Variants in PLB1 observed in about 807,000 individuals in gnomAD.
PLB1 encodes phospholipase B1, membrane-associated.
Under a neutral mutation model 227.4 loss-of-function variants are expected in PLB1, and 242 were observed. That is an observed-to-expected ratio of 1.06 (90% CI 0.96 to 1.18). The LOEUF (loss-of-function observed/expected upper bound fraction) is 1.18. PLB1 is among the 50% of genes most tolerant of loss of function. The pLI is 0.00. For missense variants in PLB1, 1,858 were observed against 1,816.3 expected, an observed-to-expected ratio of 1.02 and a Z score of -0.42; for synonymous variants, 757 against 682.2, an observed-to-expected ratio of 1.11 and a Z score of -1.71.
intron 8 of PLB1, among the ~76,000 whole-genome samples, chr2:28,531,073 T>C (rs1222973164): frequency 6.6e-6 from 1 of 152,152 alleles, no homozygotes; most frequent in East Asian, 1.9e-4. Flanking sequence ...TGCTGCCTCT[T>C]AAAAAGCAAA....
chr2:28,634,072 C>G (rs1416989801), intron 56 of PLB1, among the ~76,000 whole-genome samples: 1 of 152,176 alleles, frequency 6.6e-6, no homozygotes, highest in Admixed American at 6.5e-5. Flanking sequence ...CTAGCAACCT[C>G]TTCTTTTAAG....
intron 1 of PLB1, among the ~76,000 whole-genome samples, chr2:28,512,623 A>G (rs1572674127): frequency 1.3e-5 from 2 of 151,214 alleles, no homozygotes; most frequent in South Asian, 4.2e-4. Flanking sequence ...TAAACTGTGA[A>G]ATCTGTCTCT....
intron 47 of PLB1, 39 bp downstream of exon 47, chr2:28,620,371 C>T (rs750109258): frequency 7.2e-6 from 11 of 1,533,398 alleles, no homozygotes; most frequent in Non-Finnish European, 9.8e-6. Flanking sequence ...TGATGATGCT[C>T]TCTCAGAGAG....
At chr2:28,587,575 G>A (rs978098363) in intron 26 of PLB1, among the ~76,000 whole-genome samples, 5 of 151,428 alleles carry the variant, frequency 3.3e-5, no homozygotes, top group South Asian at 2.1e-4. Flanking sequence ...GCACCGTTGC[G>A]CTCCAGCCTG....
At chr2:28,556,496 T>C (rs1675149446) in intron 17 of PLB1, among the ~76,000 whole-genome samples, 1 of 152,236 alleles carries the variant, frequency 6.6e-6, no homozygotes, top group Non-Finnish European at 1.5e-5. Context: ...AGATGCAATT[T>C]GCCAAGTGCT....
At chr2:28,596,368 A>G (rs984513903) in intron 33 of PLB1, among the ~76,000 whole-genome samples, 1 of 152,184 alleles carries the variant, frequency 6.6e-6, no homozygotes, top group Non-Finnish European at 1.5e-5. Flanking sequence ...TTCTTCTGGA[A>G]GTTTTCACTT....
rs1408555563 is a variant in PLB1 at position 28,642,879 on chromosome 2, C to T, written c.4195C>T (p.Leu1399=). The change falls in exon 58 of 58, where the codon CTG becomes TTG. Residue 1399 remains leucine (L), a synonymous_variant. Transcript: ENST00000327757. ...ACAGGAGAGCCCTTACCTCTACACC[C>T]TGCGGAACAGCCGATTGCTCCCAGA... ...PSPESPYLYT[L]RNSRLLPDQA... The T allele has an allele frequency of 1.9e-6, 3 of 1,604,402 alleles. No individual in the cohort carries two copies. Among genetic ancestry groups the T allele is most frequent in the Non-Finnish European group, 2.6e-6 (3 of 1,175,204 alleles).
chr2:28,541,464 G>T (rs1448312441), intron 12 of PLB1, among the ~76,000 whole-genome samples: 1 of 152,194 alleles, frequency 6.6e-6, no homozygotes, highest in Non-Finnish European at 1.5e-5. Flanking sequence ...AGCTTCCAGA[G>T]AATATATTTT....
In PLB1 at chr2:28,589,516, C is replaced by T. The variant is rs766596822; in HGVS notation, c.1882C>T (p.Gln628Ter). The T allele has an allele frequency of 1.2e-6, 2 of 1,614,176 alleles. No individual in the cohort carries two copies. The highest frequency in any genetic ancestry group is 1.7e-6 in the Non-Finnish European group (2 of 1,180,044). The change falls in exon 27 of 58, where the codon CAG becomes TAG. Residue 628 changes from glutamine to a stop codon, truncating the protein, a stop_gained. Coordinates refer to ENST00000327757, the MANE Select transcript of PLB1 (RefSeq NM_153021.5). LOFTEE classifies it high-confidence loss of function. The part of the protein sequence containing the change: ...DTREDFTVVV[Q>*]PFFENVDMPK... The stretch of plus-strand genomic sequence containing the variant: ...AAGGGAAGATTTTACTGTGGTTGTG[C>T]AGCCGTTCTTTGAAAACGTGGACAT...
intron 20 of PLB1, among the ~76,000 whole-genome samples, chr2:28,569,357 A>T (rs927495634): frequency 6.6e-6 from 1 of 152,242 alleles, no homozygotes; most frequent in African/African-American, 2.4e-5. Context: ...CCTGGGGTAT[A>T]TATAGACCCT....
rs1680189153 is a variant in PLB1, at chr2:28,582,456, A to T, written c.1684A>T (p.Arg562Trp). The T allele has an allele frequency of 2.5e-6, 4 of 1,613,040 alleles. No individual in the cohort carries two copies. Among genetic ancestry groups the T allele is most frequent in the Non-Finnish European group, 3.4e-6 (4 of 1,179,610 alleles). ...LVTVLEIVNL[R>W]ELYQEKKVYC... The stretch of plus-strand genomic sequence containing the variant: ...GACGGTGCTTGAGATCGTCAACCTG[A>T]GGGAGCTGTACCAGGAGAAAAAAGT... Residue 562 changes from arginine (R) to tryptophan (W), a missense_variant, in exon 25 of 58, where the codon AGG becomes TGG. By Grantham distance (101) the Arg-to-Trp change is moderately radical. Coordinates refer to ENST00000327757, the MANE Select transcript of PLB1 (RefSeq NM_153021.5).
rs75979193 is a variant in PLB1, at chr2:28,625,259, G to A, written c.3579+151G>A. ...GAGAAGCAGTCCTTACCAAGGAGGCGCCTGCCCTGGCCACACTCCTAGACG... is the reference window on the plus strand; with the variant it reads ...GAGAAGCAGTCCTTACCAAGGAGGCACCTGCCCTGGCCACACTCCTAGACG... On this transcript the variant is annotated intron_variant, in intron 50 of 57. Transcript: ENST00000327757. The A allele has an allele frequency of 1.6e-3, 1,086 of 690,916 alleles. 17 individuals are homozygous for A. In the East Asian group the frequency reaches 0.026, roughly 17 times the overall value. 42.8% of individuals were successfully genotyped at this position (690,916 alleles called of 1,614,324 possible).
intron 6 of PLB1, among the ~76,000 whole-genome samples, chr2:28,528,279 G>A (rs1198061156): frequency 6.6e-6 from 1 of 152,160 alleles, no homozygotes; most frequent in African/African-American, 2.4e-5. Flanking sequence ...TCTGGATGGG[G>A]CAAAAAGAAA....
At chr2:28,499,162 C>T (rs768039650) in intron 1 of PLB1, among the ~76,000 whole-genome samples, 8 of 151,976 alleles carry the variant, frequency 5.3e-5, no homozygotes, top group Non-Finnish European at 1.5e-5. Context: ...ATTTTGAACT[C>T]AACTAAACTT....
At chr2:28,588,756 T>G (rs1322479709) in intron 26 of PLB1, among the ~76,000 whole-genome samples, 2 of 152,234 alleles carry the variant, frequency 1.3e-5, no homozygotes, top group East Asian at 1.9e-4. Context: ...CATTAAATTT[T>G]GATTCACCTT....
At chr2:28,634,860 G>T (rs555829056) in intron 56 of PLB1, among the ~76,000 whole-genome samples, 1 of 152,056 alleles carries the variant, frequency 6.6e-6, no homozygotes, top group African/African-American at 2.4e-5. Flanking sequence ...GCAATGAGCC[G>T]AGATGGCACC....
chr2:28,517,452 G>A (rs1053194746), intron 2 of PLB1, among the ~76,000 whole-genome samples: 14 of 152,186 alleles, frequency 9.2e-5, no homozygotes, highest in African/African-American at 3.4e-4. Flanking sequence ...AGCTGAGGAG[G>A]TCCAAGTGGT....
chr2:28,601,019 G>A (rs888648352), intron 36 of PLB1, among the ~76,000 whole-genome samples, 159 bp downstream of exon 36: 1 of 152,132 alleles, frequency 6.6e-6, no homozygotes, highest in Non-Finnish European at 1.5e-5. Context: ...TGTGGAGGAG[G>A]GTATGTCAAT....
chr2:28,503,792 C>T (rs117787176), intron 1 of PLB1, among the ~76,000 whole-genome samples: 5 of 152,214 alleles, frequency 3.3e-5, no homozygotes, highest in East Asian at 3.9e-4. Flanking sequence ...TTCTAATGTC[C>T]GGTCCCCAAA....
Sources: allele counts gnomAD v4.1 joint callset (sites outside exome capture counted in the v4.1 genomes callset), GRCh38; gene constraint gnomAD v4.1.1; transcripts MANE v1.5; gene names NCBI Gene and HGNC (gene_info 2026-07-23, HGNC 2026-07-21).